CTNNA3: variants seen among roughly 807,000 people sequenced by gnomAD.
CTNNA3 encodes catenin alpha 3.
Under a neutral mutation model 95.7 loss-of-function variants are expected in CTNNA3, and 76 were observed. The ratio of observed to expected loss-of-function variants is 0.79; its 90% CI spans 0.66 to 0.96. The LOEUF (loss-of-function observed/expected upper bound fraction) is 0.96, where lower values mean the gene tolerates loss of function less well. CTNNA3 is among the 40% of genes least tolerant of loss of function. CTNNA3 has a pLI of 0.00. For missense variants in CTNNA3, 1,191 were observed against 1,089.8 expected (o/e 1.09, Z -1.31); for synonymous variants, 431 against 374.4 (o/e 1.15, Z -1.74).
intron 1 of CTNNA3, among the ~76,000 whole-genome samples, chr10:67,655,230 A>C (rs1471306176): frequency 6.6e-6 from 1 of 152,222 alleles, no homozygotes; most frequent in Non-Finnish European, 1.5e-5. Context: ...TATTCTGATC[A>C]TGTCAACAAG....
intron 12 of CTNNA3, among the ~76,000 whole-genome samples, chr10:66,307,291 T>A (rs1279924711): frequency 6.6e-6 from 1 of 152,160 alleles, no homozygotes; most frequent in African/African-American, 2.4e-5. Context: ...AAAATAAAAA[T>A]TATTAAGAAC....
intron 11 of CTNNA3, among the ~76,000 whole-genome samples, chr10:66,512,937 C>G (rs1840713042): frequency 6.6e-6 from 1 of 151,962 alleles, no homozygotes; most frequent in South Asian, 2.1e-4. Flanking sequence ...TTTAGAATTC[C>G]CTTTTTGTCT....
rs1348513664 is a variant in CTNNA3, at chr10:67,727,132, TATATGATACATATATTATATAATTA to T, written c.-2+36277_-2+36301del. ...ATACATATATGATATAATTATATAA[TATATGATACATATATTATATAATTA>T]TATATAATATATGATACATATATTA... On this transcript the variant is annotated intron_variant, in intron 1 of 17. Transcript: ENST00000684154. Among the ~76,000 whole-genome samples, 610 of 122,736 alleles carry T rather than the reference TATATGATACATATATTATATAATTA, an allele frequency of 5.0e-3. 4 individuals are homozygous for T. Among genetic ancestry groups the T allele is most frequent in the Middle Eastern group, 0.011 (1 of 88 alleles). The allele number at this position is 122,736 out of a possible 152,430, so 80.5% of individuals were successfully genotyped here.
intron 2 of CTNNA3, among the ~76,000 whole-genome samples, chr10:67,638,552 A>G (rs1839407537): frequency 6.6e-6 from 1 of 152,248 alleles, no homozygotes; most frequent in Non-Finnish European, 1.5e-5. Flanking sequence ...TCAACAGAAT[A>G]TACATTCTTC....
chr10:66,864,316 G>A (rs1270344227), intron 7 of CTNNA3, among the ~76,000 whole-genome samples: 1 of 152,086 alleles, frequency 6.6e-6, no homozygotes, highest in African/African-American at 2.4e-5. Context: ...TATCATGAGA[G>A]TGAGTTTGTT....
chr10:67,485,040 C>G (rs1339389868), intron 5 of CTNNA3, among the ~76,000 whole-genome samples: 3 of 152,170 alleles, frequency 2.0e-5, no homozygotes, highest in Non-Finnish European at 4.4e-5. Flanking sequence ...CAGCACCATT[C>G]ACAATAGCAA....
At chr10:66,214,445 T>C (rs983393495) in intron 13 of CTNNA3, among the ~76,000 whole-genome samples, 7 of 152,160 alleles carry the variant, frequency 4.6e-5, no homozygotes, top group African/African-American at 1.7e-4. Flanking sequence ...TTGAATCGTA[T>C]TGTCATATTA....
At chr10:67,411,943 TA>T (rs906439038) in intron 5 of CTNNA3, among the ~76,000 whole-genome samples, 11 of 151,384 alleles carry the variant, frequency 7.3e-5, no homozygotes, top group Non-Finnish European at 8.9e-5. Flanking sequence ...ACTTTGGTGA[TA>T]AAAAAAAATA....
chr10:67,525,715 C>A (rs982171613), intron 4 of CTNNA3, among the ~76,000 whole-genome samples: 1 of 152,172 alleles, frequency 6.6e-6, no homozygotes, highest in Non-Finnish European at 1.5e-5. Flanking sequence ...CCCTCACTGC[C>A]AACGCCCTGG....
intron 9 of CTNNA3, among the ~76,000 whole-genome samples, chr10:66,643,948 A>G (rs1845604145): frequency 6.6e-6 from 1 of 152,292 alleles, no homozygotes; most frequent in East Asian, 1.9e-4. Flanking sequence ...AAAAGAAAAC[A>G]GCAATATAAT....
intron 9 of CTNNA3, among the ~76,000 whole-genome samples, chr10:66,645,938 A>C (rs2132395813): frequency 6.6e-6 from 1 of 152,302 alleles, no homozygotes; most frequent in African/African-American, 2.4e-5. Flanking sequence ...TGGCAATGTC[A>C]CACCACTTTG....
intron 3 of CTNNA3, among the ~76,000 whole-genome samples, chr10:67,567,110 A>G (rs1841832969): frequency 6.6e-6 from 1 of 151,808 alleles, no homozygotes; most frequent in Admixed American, 6.6e-5. Flanking sequence ...AGCATGGCAC[A>G]TGTATATATA....
chr10:66,584,940 G>T (rs1205228495), intron 10 of CTNNA3, among the ~76,000 whole-genome samples: 2 of 151,902 alleles, frequency 1.3e-5, no homozygotes, highest in East Asian at 3.9e-4. Flanking sequence ...CTTTATCTAT[G>T]AAAGAGTTTT....
At chr10:67,694,137 T>TTATTTTCATG (rs1840919094) in intron 1 of CTNNA3, among the ~76,000 whole-genome samples, 1 of 152,210 alleles carries the variant, frequency 6.6e-6, no homozygotes, top group Admixed American at 6.5e-5. Flanking sequence ...ATACATTCTG[T>TTATTTTCATG]TATTTTCATG....
chr10:67,575,648 C>T (rs1231426044), intron 3 of CTNNA3, among the ~76,000 whole-genome samples: 1 of 152,154 alleles, frequency 6.6e-6, no homozygotes, highest in Non-Finnish European at 1.5e-5. Flanking sequence ...TTGCCTACTC[C>T]AAGCCAGAGA....
intron 3 of CTNNA3, among the ~76,000 whole-genome samples, chr10:67,587,009 T>A (rs941025256): frequency 2.6e-5 from 4 of 152,190 alleles, no homozygotes; most frequent in African/African-American, 9.6e-5. Context: ...TAAATGTCCT[T>A]TTCCTTTCAA....
intron 14 of CTNNA3, among the ~76,000 whole-genome samples, chr10:66,077,893 G>C (rs369905403): frequency 3.7e-4 from 56 of 151,596 alleles, no homozygotes; most frequent in South Asian, 2.1e-4. Flanking sequence ...TATATTGAAG[G>C]GTTGGTAAAT....
intron 5 of CTNNA3, among the ~76,000 whole-genome samples, chr10:67,330,843 G>T (rs974925933): frequency 1.3e-5 from 2 of 152,142 alleles, no homozygotes; most frequent in African/African-American, 2.4e-5. Flanking sequence ...GTAAAATACG[G>T]ATAAAGGAAA....
At chr10:66,955,688 A>G (rs1220706475) in intron 7 of CTNNA3, among the ~76,000 whole-genome samples, 2 of 152,178 alleles carry the variant, frequency 1.3e-5, no homozygotes, top group Non-Finnish European at 2.9e-5. Flanking sequence ...GAGGCCACCT[A>G]TCTAGACTGT....
Sources: allele counts gnomAD v4.1 joint callset (sites outside exome capture counted in the v4.1 genomes callset), GRCh38; gene constraint gnomAD v4.1.1; transcripts MANE v1.5; gene names NCBI Gene and HGNC (gene_info 2026-07-23, HGNC 2026-07-21).